Variants in RBFOX1 observed in about 807,000 individuals in gnomAD.
RBFOX1 encodes the protein RNA binding fox-1 homolog 1, also known as RNA binding protein fox-1 homolog 1.
RBFOX1 carries 8 observed loss-of-function variants against 57.7 expected under a neutral mutation model. The ratio of observed to expected loss-of-function variants is 0.14; its 90% confidence interval spans 0.08 to 0.25. The LOEUF is 0.25. Among genes scored for constraint, RBFOX1 ranks in the 10% least tolerant of loss-of-function variants. The pLI, the probability that RBFOX1 is intolerant of heterozygous loss-of-function variation, is 1.00. For synonymous variants in RBFOX1, 326 were observed against 222.4 expected (o/e 1.47, Z -4.15); for missense variants, 611 against 548.5 (o/e 1.11, Z -1.14).
chr16:6,358,015 T>C (rs2087700394), intron 2 of RBFOX1, among the ~76,000 whole-genome samples: 1 of 150,734 alleles, frequency 6.6e-6, no homozygotes, highest in Admixed American at 6.6e-5. Flanking sequence ...GAAATTTCAA[T>C]GGTTGTGTCA....
At chr16:7,594,276 A>G (rs1255847104) in intron 7 of RBFOX1, among the ~76,000 whole-genome samples, 2 of 152,126 alleles carry the variant, frequency 1.3e-5, no homozygotes, top group African/African-American at 4.8e-5. Context: ...ATTTGTAATT[A>G]TTGTGCATTT....
chr16:7,387,462 T>C (rs2097903685), intron 4 of RBFOX1, among the ~76,000 whole-genome samples: 1 of 152,216 alleles, frequency 6.6e-6, no homozygotes, highest in Admixed American at 6.5e-5. Flanking sequence ...TCCAAATGCA[T>C]AGATGTACAA....
At chr16:6,850,638 T>C (rs2094009772) in intron 3 of RBFOX1, among the ~76,000 whole-genome samples, 1 of 152,216 alleles carries the variant, frequency 6.6e-6, no homozygotes, top group South Asian at 2.1e-4. Flanking sequence ...AATGTCATTC[T>C]TTTGCAATAT....
chr16:5,940,486 C>T (rs1002087038), intron 4 of RBFOX1, among the ~76,000 whole-genome samples: 4 of 152,172 alleles, frequency 2.6e-5, no homozygotes, highest in African/African-American at 7.2e-5. Context: ...GGGGGAATGT[C>T]AGACTGAGCC....
In RBFOX1 at chr16:5,249,834, C is replaced by T. The variant is rs572342054; in HGVS notation, c.219+9729C>T. On this transcript the variant is annotated intron_variant, in intron 1 of 2. Coordinates refer to the RBFOX1 transcript ENST00000585867. ...GTTAGCTGGGCTTGGTGGTGCCCAC[C>T]TGTAATCCTAGTTATTTGGGAGGCT... 4.6e-5 allele frequency among the ~76,000 whole-genome samples: 7 copies of T among 152,290 alleles called. No individual in the cohort carries two copies. The South Asian group carries it at 1.4e-3, about 32-fold the overall frequency.
chr16:6,552,371 T>G (rs1167544905), intron 2 of RBFOX1, among the ~76,000 whole-genome samples: 1 of 152,194 alleles, frequency 6.6e-6, no homozygotes, highest in Non-Finnish European at 1.5e-5. Flanking sequence ...GAAATTGCTG[T>G]GACTCCTTGG....
chr16:7,521,351 A>C (rs896462325), intron 5 of RBFOX1, among the ~76,000 whole-genome samples: 1 of 152,216 alleles, frequency 6.6e-6, no homozygotes, highest in Non-Finnish European at 1.5e-5. Context: ...AGGAGTTGAA[A>C]TTCCACGTTA....
chr16:7,126,758 G>A (rs894148494), intron 4 of RBFOX1: 1 of 152,114 alleles, frequency 6.6e-6, no homozygotes, highest in East Asian at 1.9e-4. Context: ...AGAGGCTGAG[G>A]CGGGCAGATC....
intron 3 of RBFOX1, among the ~76,000 whole-genome samples, chr16:6,964,547 G>C (rs2083690659): frequency 6.6e-6 from 1 of 152,108 alleles, no homozygotes; most frequent in Non-Finnish European, 1.5e-5. Context: ...TGCCTGTGTG[G>C]GGCCAGTGAG....
chr16:6,135,925 G>C (rs1228861869), intron 1 of RBFOX1, among the ~76,000 whole-genome samples: 6 of 150,578 alleles, frequency 4.0e-5, no homozygotes, highest in Non-Finnish European at 8.8e-5. Context: ...CTCCCCAGTA[G>C]CTGGGAGTAT....
chr16:7,504,121 G>C (rs1486994534), intron 4 of RBFOX1, among the ~76,000 whole-genome samples: 3 of 152,012 alleles, frequency 2.0e-5, no homozygotes. Context: ...GTTCAGAATT[G>C]GGTTGGTACA....
At chr16:6,457,969 A>T (rs2094817772) in intron 2 of RBFOX1, among the ~76,000 whole-genome samples, 1 of 151,580 alleles carries the variant, frequency 6.6e-6, no homozygotes, top group Admixed American at 6.6e-5. Flanking sequence ...GTGCAAACAG[A>T]TGCGTGTGCA....
chr16:5,935,351 G>T (rs1567165407), intron 4 of RBFOX1, among the ~76,000 whole-genome samples: 1 of 152,206 alleles, frequency 6.6e-6, no homozygotes, highest in Non-Finnish European at 1.5e-5. Context: ...CCTGCGTGTG[G>T]CAGAGGGTGG....
chr16:7,437,259 C>T (rs543980488), intron 4 of RBFOX1, among the ~76,000 whole-genome samples: 4 of 77,584 alleles, frequency 5.2e-5, no homozygotes, highest in African/African-American at 1.2e-4. Context: ...TGCCCCCCCC[C>T]CCTTTCTGTT....
intron 3 of RBFOX1, among the ~76,000 whole-genome samples, chr16:6,826,024 CGTG>C (rs2092088045): frequency 6.6e-6 from 1 of 152,124 alleles, no homozygotes; most frequent in Admixed American, 6.5e-5. Context: ...CCGACCACAT[CGTG>C]GTGATGTGCA....
At chr16:7,706,801 G>C (rs6501011) in intron 14 of RBFOX1, among the ~76,000 whole-genome samples, 149,293 of 152,274 alleles carry the variant, frequency 0.98, 73,259 homozygotes, top group Middle Eastern at 1. Flanking sequence ...GAAATAAAGA[G>C]CAGTACCAAG....
intron 10 of RBFOX1, among the ~76,000 whole-genome samples, chr16:7,617,409 C>G (rs1159008317): frequency 2.0e-5 from 3 of 152,070 alleles, no homozygotes; most frequent in South Asian, 2.1e-4. Context: ...GAAAGCCATT[C>G]TTAGTTTATG....
At chr16:7,489,051 G>A (rs917010321) in intron 4 of RBFOX1, among the ~76,000 whole-genome samples, 1 of 151,888 alleles carries the variant, frequency 6.6e-6, no homozygotes, top group East Asian at 1.9e-4. Flanking sequence ...ATAAAATCTT[G>A]CTGTGAATCT....
At chr16:6,833,058 C>G (rs2092823973) in intron 3 of RBFOX1, among the ~76,000 whole-genome samples, 1 of 152,050 alleles carries the variant, frequency 6.6e-6, no homozygotes, top group Non-Finnish European at 1.5e-5. Flanking sequence ...ATATTTCAGG[C>G]TCTTTTCCAC....
Sources: allele counts gnomAD v4.1 joint callset (sites outside exome capture counted in the v4.1 genomes callset), GRCh38; gene constraint gnomAD v4.1.1; transcripts MANE v1.5; gene names NCBI Gene and HGNC (gene_info 2026-07-23, HGNC 2026-07-21).